Variants in FLRT2 observed in about 807,000 individuals in gnomAD.
The protein encoded by FLRT2 is leucine-rich repeat transmembrane protein FLRT2.
A neutral mutation model predicts 40.0 loss-of-function variants in FLRT2; 15 were observed. The ratio of observed to expected loss-of-function variants is 0.38; its 90% confidence interval spans 0.25 to 0.58. The LOEUF (loss-of-function observed/expected upper bound fraction) is 0.58. Among genes scored for constraint, FLRT2 ranks in the 20% least tolerant of loss-of-function variants. The probability of loss-of-function intolerance (pLI) is 0.71; values close to 1 mark genes in which losing one functional copy is unlikely to be tolerated. For missense variants in FLRT2, 726 were observed against 840.0 expected, an observed-to-expected ratio of 0.86 and a Z score of 1.68; for synonymous variants, 380 against 336.8, an observed-to-expected ratio of 1.13 and a Z score of -1.41.
chr14:85,557,782 A>G (rs568345633), intron 1 of FLRT2, among the ~76,000 whole-genome samples: 151 of 152,258 alleles, frequency 9.9e-4, no homozygotes, highest in Non-Finnish European at 1.6e-3. Context: ...GCACCACTGC[A>G]CTCTGCCTGG....
Position 85,609,950 on chromosome 14 carries a change from A to G in FLRT2, c.-376-11189A>G, listed in dbSNP as rs1265928026. On this transcript the variant is annotated intron_variant, in intron 1 of 1. Transcript: ENST00000330753. ...AAGCCAATGGTTTTCTTCACCACAC[A>G]TAGAATAATTTATAGGTAGGGACCA... Among the ~76,000 whole-genome samples, 7 of 152,316 alleles carry G rather than the reference A, an allele frequency of 4.6e-5. No homozygotes were observed. In the East Asian group the frequency reaches 1.4e-3, roughly 29 times the overall value.
intron 1 of FLRT2, among the ~76,000 whole-genome samples, chr14:85,579,158 G>T (rs985819474): frequency 6.6e-6 from 1 of 152,178 alleles, no homozygotes; most frequent in Non-Finnish European, 1.5e-5. Context: ...AGCTGCCTTT[G>T]AAGTCAGTGG....
chr14:85,552,055 A>G (rs574010801), intron 1 of FLRT2, among the ~76,000 whole-genome samples: 1 of 152,288 alleles, frequency 6.6e-6, no homozygotes, highest in Non-Finnish European at 1.5e-5. Flanking sequence ...CAAAATATCA[A>G]TAGGATAGTG....
At chr14:85,580,851 C>T (rs1711774847) in intron 1 of FLRT2, among the ~76,000 whole-genome samples, 1 of 152,086 alleles carries the variant, frequency 6.6e-6, no homozygotes, top group South Asian at 2.1e-4. Context: ...AAAGAAATCC[C>T]TCATTTATCT....
At chr14:85,565,342 A>T (rs1484098653) in intron 1 of FLRT2, among the ~76,000 whole-genome samples, 1 of 152,154 alleles carries the variant, frequency 6.6e-6, no homozygotes, top group Non-Finnish European at 1.5e-5. Flanking sequence ...TATTTGTCTC[A>T]TAAGTAATCT....
chr14:85,575,731 G>A (rs1405204044), intron 1 of FLRT2, among the ~76,000 whole-genome samples: 1 of 152,202 alleles, frequency 6.6e-6, no homozygotes, highest in Non-Finnish European at 1.5e-5. Context: ...GAGAGTGAAA[G>A]TGTTTAGGAG....
chr14:85,551,337 G>A (rs1020574939), intron 1 of FLRT2, among the ~76,000 whole-genome samples: 4 of 152,134 alleles, frequency 2.6e-5, no homozygotes, highest in African/African-American at 9.7e-5. Flanking sequence ...AAGGAATGGG[G>A]TTGCCTGGAA....
intron 1 of FLRT2, among the ~76,000 whole-genome samples, chr14:85,580,465 C>T (rs1891335578): frequency 6.6e-6 from 1 of 152,052 alleles, no homozygotes; most frequent in African/African-American, 2.4e-5. Context: ...TATTATAATA[C>T]CTTTATGATG....
In FLRT2 at chr14:85,639,391, T is replaced by C. The variant is rs1177519875; in HGVS notation, c.*15894T>C. On this transcript the variant is annotated 3_prime_UTR_variant, in exon 2 of 2. Coordinates refer to ENST00000330753, the MANE Select transcript of FLRT2 (RefSeq NM_013231.6). ...TAAAATAAGCAGCTTTTCTTGAAAG[T>C]AGTTTACCGGGTTGGGCAAAAAGAG... is the stretch of plus-strand genomic sequence containing the variant. 1.3e-5 allele frequency: 2 copies of C among 152,146 alleles called. No homozygotes were observed. Among genetic ancestry groups the C allele is most frequent in the African/African-American group, 4.8e-5 (2 of 41,430 alleles). The allele number at this position is 152,146 out of a possible 1,614,324, so 9.4% of individuals were successfully genotyped here. A position where few individuals can be genotyped will look rare whatever the true frequency, so the allele number is the denominator to read the frequency against.
chr14:85,599,079 G>A (rs549975087), intron 1 of FLRT2, among the ~76,000 whole-genome samples: 1 of 151,922 alleles, frequency 6.6e-6, no homozygotes, highest in East Asian at 1.9e-4. Flanking sequence ...CATCATGCCC[G>A]GCTAATTTCT....
rs372416671 is a variant in FLRT2, at chr14:85,645,312, A to T, written c.*21815A>T. 10 of 151,698 alleles carry T rather than the reference A, an allele frequency of 6.6e-5. No individual in the cohort carries two copies. In the East Asian group the frequency reaches 1.7e-3, roughly 26 times the overall value. The allele number at this position is 151,698 out of a possible 1,614,324, so 9.4% of individuals were successfully genotyped here. On this transcript the variant is annotated 3_prime_UTR_variant, in exon 2 of 2. Coordinates refer to ENST00000330753, the MANE Select transcript of FLRT2 (RefSeq NM_013231.6). The stretch of plus-strand genomic sequence containing the variant: ...CATATATGTATATAGAAGTATATAT[A>T]CACATATAAATGTGTGCGTGTATAT...
intron 1 of FLRT2, among the ~76,000 whole-genome samples, chr14:85,546,728 A>G (rs1028299727): frequency 2.6e-5 from 4 of 152,194 alleles, no homozygotes; most frequent in African/African-American, 9.7e-5. Context: ...TGTCTGGACT[A>G]CATGCATCCG....
At chr14:85,609,515 C>T (rs1240300502) in intron 1 of FLRT2, among the ~76,000 whole-genome samples, 1 of 152,230 alleles carries the variant, frequency 6.6e-6, no homozygotes, top group South Asian at 2.1e-4. Context: ...ATGGAGGTGG[C>T]TGTTTCACCG....
intron 1 of FLRT2, among the ~76,000 whole-genome samples, chr14:85,571,989 A>G (rs1304277158): frequency 6.6e-6 from 1 of 152,172 alleles, no homozygotes; most frequent in Non-Finnish European, 1.5e-5. Context: ...AACGATCACT[A>G]TTATTATCTG....
intron 1 of FLRT2, among the ~76,000 whole-genome samples, chr14:85,597,807 T>C (rs1463060149): frequency 2.0e-5 from 3 of 152,214 alleles, no homozygotes; most frequent in Non-Finnish European, 4.4e-5. Flanking sequence ...TTACTTCTAC[T>C]TCTGTGGAAA....
At chr14:85,616,492 T>C (rs1429682188) in intron 1 of FLRT2, among the ~76,000 whole-genome samples, 1 of 152,230 alleles carries the variant, frequency 6.6e-6, no homozygotes, top group Non-Finnish European at 1.5e-5. Flanking sequence ...GACAGAGAGT[T>C]GGGAGAAAGT....
intron 1 of FLRT2, among the ~76,000 whole-genome samples, chr14:85,589,451 G>A (rs894471140): frequency 2.6e-5 from 4 of 152,084 alleles, no homozygotes; most frequent in Non-Finnish European, 5.9e-5. Context: ...CCCGTGTTTT[G>A]ATTGGATTAT....
At chr14:85,609,626 G>C (rs556016184) in intron 1 of FLRT2, among the ~76,000 whole-genome samples, 34 of 152,254 alleles carry the variant, frequency 2.2e-4, no homozygotes, top group African/African-American at 7.5e-4. Flanking sequence ...AGGAGACTTG[G>C]TTCTAGAAAC....
chr14:85,557,752 G>T (rs1890059072), intron 1 of FLRT2, among the ~76,000 whole-genome samples: 1 of 152,168 alleles, frequency 6.6e-6, no homozygotes, highest in African/African-American at 2.4e-5. Context: ...AGGAGGTAGA[G>T]GTTGCAGTGA....
Sources: gnomAD v4.1 joint callset for allele counts (sites outside exome capture counted in the v4.1 genomes callset) on GRCh38, gnomAD v4.1.1 for gene constraint, MANE v1.5 for transcripts, NCBI Gene and HGNC (gene_info 2026-07-23, HGNC 2026-07-21) for gene names.